Variants in PAPPA2 observed in about 807,000 individuals in gnomAD.
PAPPA2 encodes pappalysin 2, also known as pappalysin-2.
In PAPPA2, 86 loss-of-function variants were observed where a neutral mutation model predicts 176.4. The ratio of observed to expected loss-of-function variants is 0.49; its 90% confidence interval spans 0.41 to 0.58. The LOEUF (loss-of-function observed/expected upper bound fraction) is 0.58, where lower values mean the gene tolerates loss of function less well. PAPPA2 is among the 20% of genes least tolerant of loss of function. PAPPA2 has a pLI of 0.00. For synonymous variants in PAPPA2, 809 were observed against 852.2 expected, an observed-to-expected ratio of 0.95 and a Z score of 0.88; for missense variants, 2,073 against 2,256.9, an observed-to-expected ratio of 0.92 and a Z score of 1.65.
At chr1:176,464,139 C>T (rs557623978) in intron 1 of PAPPA2, among the ~76,000 whole-genome samples, 3 of 152,298 alleles carry the variant, frequency 2.0e-5, no homozygotes, top group East Asian at 3.9e-4. Context: ...GACAACAGGA[C>T]AGTGTAGTTT....
intron 9 of PAPPA2, among the ~76,000 whole-genome samples, chr1:176,705,786 T>A (rs1365287343): frequency 1.3e-5 from 2 of 152,062 alleles, no homozygotes; most frequent in Non-Finnish European, 2.9e-5. Context: ...TAGTAGGGAG[T>A]AAAGACAGGG....
At chr1:176,473,097 A>G (rs1015283181) in intron 1 of PAPPA2, among the ~76,000 whole-genome samples, 2 of 152,204 alleles carry the variant, frequency 1.3e-5, no homozygotes, top group Admixed American at 6.5e-5. Flanking sequence ...ATAGATTTTG[A>G]AATTCATAAT....
chr1:176,466,833 GAA>G lies in PAPPA2; in HGVS notation c.-917+3419_-917+3420del, dbSNP rs538475793. 1.1e-4 allele frequency among the ~76,000 whole-genome samples: 17 copies of G among 152,276 alleles called. No individual in the cohort carries two copies. In the South Asian group the frequency reaches 2.7e-3, roughly 24 times the overall value. On this transcript the variant is annotated intron_variant, in intron 1 of 22. Coordinates refer to ENST00000367662, the MANE Select transcript of PAPPA2 (RefSeq NM_020318.3). ...AAAAATTCCCTGCAACGTGGAGGGA[GAA>G]AAAGAGTTTCCAGAGCCAAGGGCAA...
intron 12 of PAPPA2, among the ~76,000 whole-genome samples, chr1:176,727,816 A>G (rs1229392484): frequency 7.9e-5 from 12 of 152,198 alleles, no homozygotes; most frequent in African/African-American, 2.9e-4. Flanking sequence ...ACAAGTCTCA[A>G]TGAATTTGTA....
chr1:176,465,816 G>A (rs916174219), intron 1 of PAPPA2, among the ~76,000 whole-genome samples: 2 of 151,906 alleles, frequency 1.3e-5, no homozygotes, highest in African/African-American at 4.8e-5. Context: ...CCTTCCGGTA[G>A]GCCCCAGTGT....
chr1:176,619,380 C>G (rs1655457054), intron 3 of PAPPA2, among the ~76,000 whole-genome samples: 1 of 152,164 alleles, frequency 6.6e-6, no homozygotes, highest in South Asian at 2.1e-4. Context: ...AGAGAAAGTG[C>G]ATAAGTTTTA....
chr1:176,816,108 G>C (rs1282677227), intron 21 of PAPPA2, among the ~76,000 whole-genome samples: 1 of 123,018 alleles, frequency 8.1e-6, no homozygotes, highest in Non-Finnish European at 1.6e-5. Context: ...TTTTCCTTTG[G>C]CTTATTGATT....
intron 1 of PAPPA2, among the ~76,000 whole-genome samples, chr1:176,538,369 G>A (rs1650185800): frequency 6.6e-6 from 1 of 152,144 alleles, no homozygotes; most frequent in African/African-American, 2.4e-5. Context: ...CTTTCTCCAT[G>A]TATAGAAGTG....
intron 1 of PAPPA2, among the ~76,000 whole-genome samples, chr1:176,537,591 C>T (rs1250452750): frequency 2.0e-5 from 3 of 152,182 alleles, no homozygotes; most frequent in African/African-American, 7.2e-5. Context: ...GCACCTTGTC[C>T]ATGCACCAAG....
chr1:176,717,350 C>CAGCATGCT (rs1661423569), intron 12 of PAPPA2, among the ~76,000 whole-genome samples: 1 of 152,140 alleles, frequency 6.6e-6, no homozygotes, highest in Admixed American at 6.5e-5. Flanking sequence ...TTATAAATGC[C>CAGCATGCT]ATGGCAGCAT....
chr1:176,498,632 C>T (rs897238599), intron 1 of PAPPA2, among the ~76,000 whole-genome samples: 1 of 151,874 alleles, frequency 6.6e-6, no homozygotes, highest in African/African-American at 2.4e-5. Context: ...CGCCTGTAGT[C>T]CCAGCTACTC....
intron 12 of PAPPA2, among the ~76,000 whole-genome samples, chr1:176,736,093 C>T (rs989310382): frequency 6.6e-6 from 1 of 152,072 alleles, no homozygotes; most frequent in Admixed American, 6.6e-5. Flanking sequence ...ATCAATGATG[C>T]ACATCTCAGA....
intron 9 of PAPPA2, among the ~76,000 whole-genome samples, chr1:176,703,242 A>G (rs745387294): frequency 6.6e-6 from 1 of 152,202 alleles, no homozygotes; most frequent in Non-Finnish European, 1.5e-5. Flanking sequence ...AACTGATAAC[A>G]ATATAATTTC....
At chr1:176,501,440 G>T (rs561816433) in intron 1 of PAPPA2, among the ~76,000 whole-genome samples, 137 of 152,116 alleles carry the variant, frequency 9.0e-4, no homozygotes, top group African/African-American at 3.1e-3. Context: ...CGTCCCTCAG[G>T]CCACTTTTTT....
At chr1:176,497,356 C>T (rs1647686366) in intron 1 of PAPPA2, among the ~76,000 whole-genome samples, 2 of 152,140 alleles carry the variant, frequency 1.3e-5, no homozygotes, top group South Asian at 2.1e-4. Context: ...CTGGGGACAG[C>T]ATATTTACTA....
At chr1:176,690,950 G>A (rs1558522333) in intron 5 of PAPPA2, 1 of 979,802 alleles carries the variant, frequency 1.0e-6, no homozygotes, top group Non-Finnish European at 1.2e-6. Flanking sequence ...TCTTTTTCCA[G>A]CACTAGTCAA....
At chr1:176,714,635 T>TTTAAAATGTG (rs1661290413) in intron 12 of PAPPA2, among the ~76,000 whole-genome samples, 1 of 152,222 alleles carries the variant, frequency 6.6e-6, no homozygotes, top group African/African-American at 2.4e-5. Flanking sequence ...CTGCTACCTA[T>TTTAAAATGTG]TTAAAATAAC....
Position 176,676,049 on chromosome 1 carries a change from G to A in PAPPA2, c.2137+4934G>A, listed in dbSNP as rs576250571. On this transcript the variant is annotated intron_variant, in intron 4 of 22. Coordinates refer to ENST00000367662, the MANE Select transcript of PAPPA2 (RefSeq NM_020318.3). The stretch of plus-strand genomic sequence containing the variant: ...GCAAGGTAACACTACAAACCCATCA[G>A]AAGAGCTAAAATAAAAAATAATGAC... 2.0e-5 allele frequency among the ~76,000 whole-genome samples: 3 copies of A among 152,138 alleles called. No individual in the cohort carries two copies. The South Asian group carries it at 6.2e-4, about 32-fold the overall frequency.
intron 1 of PAPPA2, among the ~76,000 whole-genome samples, chr1:176,516,758 T>G (rs1468924861): frequency 6.6e-6 from 1 of 152,162 alleles, no homozygotes; most frequent in Non-Finnish European, 1.5e-5. Context: ...GTTTCTGTTG[T>G]TTTCAAATTA....
Sources: gnomAD v4.1 joint callset for allele counts (sites outside exome capture counted in the v4.1 genomes callset) on GRCh38, gnomAD v4.1.1 for gene constraint, MANE v1.5 for transcripts, NCBI Gene and HGNC (gene_info 2026-07-23, HGNC 2026-07-21) for gene names.